SAMD12: variants seen among roughly 807,000 people sequenced by gnomAD.
The protein encoded by SAMD12 is sterile alpha motif domain-containing protein 12.
Under a neutral mutation model 15.0 loss-of-function variants are expected in SAMD12, and 9 were observed. The observed-to-expected ratio is 0.60, with a 90% confidence interval of 0.36 to 1.05. SAMD12 has a LOEUF of 1.05. SAMD12 is among the 50% of genes least tolerant of loss of function. The pLI is 0.01. For missense variants in SAMD12, 230 were observed against 234.2 expected, an observed-to-expected ratio of 0.98 and a Z score of 0.12; for synonymous variants, 86 against 90.1, an observed-to-expected ratio of 0.96 and a Z score of 0.25.
intron 2 of SAMD12, among the ~76,000 whole-genome samples, chr8:118,559,094 G>T (rs1376501319): frequency 1.3e-5 from 2 of 152,116 alleles, no homozygotes; most frequent in Non-Finnish European, 2.9e-5. Context: ...TTTGGTTCTG[G>T]CATCTGTCCC....
intron 4 of SAMD12, among the ~76,000 whole-genome samples, chr8:118,221,258 GA>G (rs1812076333): frequency 6.6e-6 from 1 of 152,130 alleles, no homozygotes; most frequent in Admixed American, 6.5e-5. Flanking sequence ...GGGATGAAAG[GA>G]AAAAGTAAGT....
the SAMD12 span, among the ~76,000 whole-genome samples, chr8:118,136,639 A>G: frequency 1.3e-5 from 2 of 152,136 alleles, no homozygotes; most frequent in Non-Finnish European, 2.9e-5. Flanking sequence ...TTAACCTTTG[A>G]AAATTACTTC....
chr8:118,506,739 C>T (rs6995590), intron 2 of SAMD12, among the ~76,000 whole-genome samples: 2 of 151,124 alleles, frequency 1.3e-5, no homozygotes, highest in South Asian at 4.2e-4. Flanking sequence ...TCAGCCACAG[C>T]CAATTTAGAA....
intron 4 of SAMD12, among the ~76,000 whole-genome samples, chr8:118,222,547 C>T (rs1159392474): frequency 6.6e-6 from 1 of 151,746 alleles, no homozygotes; most frequent in Non-Finnish European, 1.5e-5. Flanking sequence ...CTCCTGTTGC[C>T]CAGGGTGGAG....
chr8:118,205,291 A>G (rs2129791958), intron 4 of SAMD12, among the ~76,000 whole-genome samples: 1 of 152,328 alleles, frequency 6.6e-6, no homozygotes, highest in Non-Finnish European at 1.5e-5. Flanking sequence ...ATATTTATGC[A>G]TCTTATTAGT....
intron 2 of SAMD12, among the ~76,000 whole-genome samples, chr8:118,505,360 T>C (rs920532753): frequency 1.4e-5 from 2 of 141,772 alleles, no homozygotes; most frequent in African/African-American, 5.2e-5. Context: ...TTTTTTTTTT[T>C]CAGGGCAGTA....
At chr8:118,445,584 G>A (rs1441098244) in intron 2 of SAMD12, among the ~76,000 whole-genome samples, 1 of 152,102 alleles carries the variant, frequency 6.6e-6, no homozygotes, top group African/African-American at 2.4e-5. Context: ...TATACATAGT[G>A]CATTTGTGTT....
intron 2 of SAMD12, among the ~76,000 whole-genome samples, chr8:118,477,108 C>T (rs558911831): frequency 1.3e-5 from 2 of 150,552 alleles, no homozygotes; most frequent in South Asian, 2.1e-4. Context: ...CTCTGTTGCT[C>T]AGCCTGGAGT....
At chr8:118,539,087 A>G (rs1380574724) in intron 2 of SAMD12, among the ~76,000 whole-genome samples, 1 of 152,222 alleles carries the variant, frequency 6.6e-6, no homozygotes, top group Non-Finnish European at 1.5e-5. Context: ...TTAAAACATT[A>G]TTACATTCAG....
At chr8:118,549,677 C>T (rs543179323) in intron 2 of SAMD12, among the ~76,000 whole-genome samples, 226 of 152,224 alleles carry the variant, frequency 1.5e-3, no homozygotes, top group Middle Eastern at 3.4e-3. Flanking sequence ...CAAAGCTGGA[C>T]GGAGAATGAC....
intron 4 of SAMD12, among the ~76,000 whole-genome samples, chr8:118,347,506 T>C (rs2130578571): frequency 6.6e-6 from 1 of 152,252 alleles, no homozygotes; most frequent in Non-Finnish European, 1.5e-5. Flanking sequence ...ATGTGTAAAA[T>C]GTGGGGAAAG....
At chr8:118,564,434 G>A (rs1826793525) in intron 2 of SAMD12, among the ~76,000 whole-genome samples, 1 of 152,146 alleles carries the variant, frequency 6.6e-6, no homozygotes, top group African/African-American at 2.4e-5. Flanking sequence ...GCCCTAGAAT[G>A]TCCTGACATC....
chr8:118,199,682 A>G (rs987795871), intron 4 of SAMD12, among the ~76,000 whole-genome samples: 1 of 152,196 alleles, frequency 6.6e-6, no homozygotes, highest in Non-Finnish European at 1.5e-5. Flanking sequence ...GAGAAAGCAG[A>G]TATGTCTAAT....
chr8:118,604,690 G>C (rs533398374), intron 1 of SAMD12, among the ~76,000 whole-genome samples: 1 of 152,296 alleles, frequency 6.6e-6, no homozygotes, highest in South Asian at 2.1e-4. Flanking sequence ...GGGAGGCTGA[G>C]GCGGGCGGAT....
intron 2 of SAMD12, among the ~76,000 whole-genome samples, chr8:118,554,879 T>C (rs1374361664): frequency 6.6e-6 from 1 of 152,110 alleles, no homozygotes; most frequent in Non-Finnish European, 1.5e-5. Flanking sequence ...TCCTATGAAT[T>C]TCAGACACGT....
chr8:118,189,298 A>C (rs1355468996), downstream of SAMD12, among the ~76,000 whole-genome samples: 1 of 152,192 alleles, frequency 6.6e-6, no homozygotes, highest in Non-Finnish European at 1.5e-5. Flanking sequence ...ATAATTGAGG[A>C]CAATTTTCCA....
chr8:118,383,922 C>CA (rs1819808786), intron 3 of SAMD12, among the ~76,000 whole-genome samples: 1 of 152,054 alleles, frequency 6.6e-6, no homozygotes, highest in Admixed American at 6.6e-5. Flanking sequence ...AAAGGTGACA[C>CA]ACAAGTAAAC....
chr8:118,377,483 C>T (rs1819448387), downstream of SAMD12, among the ~76,000 whole-genome samples: 1 of 152,002 alleles, frequency 6.6e-6, no homozygotes. Context: ...TACCCAAGAG[C>T]TAGAGAACAA....
intron 4 of SAMD12, among the ~76,000 whole-genome samples, chr8:118,336,256 C>G (rs6994270): frequency 0.25 from 38,352 of 151,998 alleles, 5,324 homozygotes; most frequent in African/African-American, 0.36. Context: ...TTGTCAGAGA[C>G]GGCTAAATAT....
Sources: gnomAD v4.1 joint callset for allele counts (sites outside exome capture counted in the v4.1 genomes callset) on GRCh38, gnomAD v4.1.1 for gene constraint, MANE v1.5 for transcripts, NCBI Gene and HGNC (gene_info 2026-07-23, HGNC 2026-07-21) for gene names.